FAAH2: variants seen among roughly 807,000 people sequenced by gnomAD.
FAAH2 encodes fatty acid amide hydrolase 2, also known as fatty-acid amide hydrolase 2.
Under a neutral mutation model 36.9 loss-of-function variants are expected in FAAH2, and 60 were observed. The observed-to-expected ratio is 1.63, with a 90% CI of 1.32 to 2.02. FAAH2 has a LOEUF of 2.02. Ranked by LOEUF, FAAH2 falls within the 30% of genes most tolerant of loss-of-function variation. The pLI, the probability that FAAH2 is intolerant of heterozygous loss-of-function variation, is 0.00. For missense variants in FAAH2, 689 were observed against 397.5 expected, an observed-to-expected ratio of 1.73 and a Z score of -6.23; for synonymous variants, 214 against 143.8, an observed-to-expected ratio of 1.49 and a Z score of -3.49.
chrX:57,128,349 A>G, the FAAH2 span, among the ~76,000 whole-genome samples: 1 of 111,990 alleles, frequency 8.9e-6, no homozygotes, highest in Non-Finnish European at 1.9e-5. Flanking sequence ...ATTGAATCAA[A>G]AAGAAAAATT....
chrX:57,244,059 GAT>G, the FAAH2 span, among the ~76,000 whole-genome samples: 2 of 107,759 alleles, frequency 1.9e-5, no homozygotes, highest in Non-Finnish European at 3.8e-5. Context: ...TAAATGACCT[GAT>G]GGAGCTGAAA....
chrX:57,266,566 G>A, the FAAH2 span, among the ~76,000 whole-genome samples: 1 of 112,455 alleles, frequency 8.9e-6, no homozygotes, highest in Non-Finnish European at 1.9e-5. Flanking sequence ...ACTATAAAAA[G>A]AGCAAAGACC....
chrX:57,271,292 G>A, the FAAH2 span, among the ~76,000 whole-genome samples: 5 of 112,678 alleles, frequency 4.4e-5, no homozygotes, highest in African/African-American at 1.6e-4. Flanking sequence ...TCTCCTCTCT[G>A]GACAGGGCAT....
At chrX:57,185,386 T>C in the FAAH2 span, among the ~76,000 whole-genome samples, 62 of 111,160 alleles carry the variant, frequency 5.6e-4, no homozygotes, top group Non-Finnish European at 1.1e-3. Context: ...TGACTTCCAC[T>C]TCCATCCTTG....
the FAAH2 span, among the ~76,000 whole-genome samples, chrX:57,250,265 T>G: frequency 2.4e-4 from 27 of 111,768 alleles, no homozygotes; most frequent in African/African-American, 8.8e-4. Context: ...ATATGCCAGC[T>G]CAGTTCCCTT....
chrX:57,457,463 G>C (rs1212314681), intron 10 of FAAH2, among the ~76,000 whole-genome samples: 1 of 100,420 alleles, frequency 1.0e-5, no homozygotes, highest in African/African-American at 3.9e-5. Flanking sequence ...AATGAAGAAA[G>C]GGAATAAATA....
chrX:57,393,801 C>T lies in FAAH2; in HGVS notation c.996+12772C>T, dbSNP rs1392512015. The T allele has an allele frequency of 2.5e-5, 22 of 870,608 alleles. No individual in the cohort carries two copies. The East Asian group carries it at 6.2e-4, about 25-fold the overall frequency. The allele number at this position is 870,608 out of a possible 1,213,427, so 71.7% of individuals were successfully genotyped here. On this transcript the variant is annotated intron_variant, in intron 7 of 10. Transcript: ENST00000374900. Reference sequence around the variant, plus strand: ...TGTGTGTGACTTTTCTTCGTTGGAGCCTGTCCAATCGTGATCTTCCTCAGG... The same window carrying T: ...TGTGTGTGACTTTTCTTCGTTGGAGTCTGTCCAATCGTGATCTTCCTCAGG...
chrX:57,454,322 T>C (rs1449877558), intron 10 of FAAH2, among the ~76,000 whole-genome samples: 1 of 112,320 alleles, frequency 8.9e-6, no homozygotes, highest in African/African-American at 3.2e-5. Context: ...CAGCTGACTA[T>C]CCTCAACTTA....
In FAAH2 at chrX:57,448,524, G is replaced by A. The variant is rs749269122; in HGVS notation, c.1229G>A (p.Gly410Glu). Residue 410 changes from glycine (G) to glutamate (E), a missense_variant and splice_region_variant, in exon 10 of 11, where the codon GGA becomes GAA. Physicochemically the swap from Gly to Glu is moderately conservative, Grantham distance 98. Coordinates refer to ENST00000374900, the MANE Select transcript of FAAH2 (RefSeq NM_174912.4). ...CTTGATATATGATATCATTCTGTAG[G>A]ACTGGCTTTGTTGGAAGAAAAGCTC... is the stretch of plus-strand genomic sequence containing the variant. ...GLSVYTIPSI[G>E]LALLEEKLRY... is the part of the protein sequence containing the mutation. 23 of 1,205,180 alleles carry A rather than the reference G, an allele frequency of 1.9e-5. No homozygotes were observed. In the South Asian group the frequency reaches 2.5e-4, roughly 13 times the overall value.
intron 10 of FAAH2, among the ~76,000 whole-genome samples, chrX:57,458,061 A>G (rs970780037): frequency 8.9e-6 from 1 of 112,057 alleles, no homozygotes; most frequent in African/African-American, 3.2e-5. Context: ...ATAAGGCTAC[A>G]ATAATCAAAA....
At chrX:57,304,882 G>A (rs2052476836) in intron 2 of FAAH2, among the ~76,000 whole-genome samples, 1 of 111,229 alleles carries the variant, frequency 9.0e-6, no homozygotes, top group African/African-American at 3.3e-5. Context: ...CACAATAATT[G>A]GCACATAAAA....
intron 3 of FAAH2, among the ~76,000 whole-genome samples, chrX:57,319,021 C>A (rs1472744219): frequency 9.0e-6 from 1 of 111,464 alleles, no homozygotes; most frequent in Non-Finnish European, 1.9e-5. Flanking sequence ...GAACATATCT[C>A]AAAATAATAA....
intron 2 of FAAH2, among the ~76,000 whole-genome samples, chrX:57,293,617 G>A (rs976019140): frequency 9.0e-6 from 1 of 111,572 alleles, no homozygotes; most frequent in East Asian, 2.8e-4. Flanking sequence ...GTAATTTGGG[G>A]GTACTTTTGG....
chrX:57,275,784 T>A, the FAAH2 span, among the ~76,000 whole-genome samples: 1 of 111,508 alleles, frequency 9.0e-6, no homozygotes, highest in Non-Finnish European at 1.9e-5. Context: ...TAGTCTCTGA[T>A]AAAACAGACT....
At chrX:57,317,187 G>A (rs953255897) in intron 3 of FAAH2, among the ~76,000 whole-genome samples, 1 of 111,869 alleles carries the variant, frequency 8.9e-6, no homozygotes, top group Non-Finnish European at 1.9e-5. Flanking sequence ...AAATGTAAAC[G>A]GGCTAAGTGC....
At chrX:57,426,936 T>C (rs1244103316) in intron 7 of FAAH2, among the ~76,000 whole-genome samples, 1 of 109,607 alleles carries the variant, frequency 9.1e-6, no homozygotes, top group African/African-American at 3.3e-5. Context: ...ATAAACAATA[T>C]TAAAAAGCAA....
At chrX:57,263,725 A>G in the FAAH2 span, among the ~76,000 whole-genome samples, 1 of 111,865 alleles carries the variant, frequency 8.9e-6, no homozygotes, top group African/African-American at 3.2e-5. Context: ...GTATCTGTCT[A>G]TTATACCTAA....
intron 5 of FAAH2, among the ~76,000 whole-genome samples, chrX:57,367,980 G>A (rs1727546732): frequency 8.9e-6 from 1 of 111,779 alleles, no homozygotes; most frequent in Admixed American, 9.5e-5. Context: ...TCTTGCTCAT[G>A]AGGGCAATAA....
the FAAH2 span, among the ~76,000 whole-genome samples, chrX:57,258,372 A>T: frequency 9.0e-6 from 1 of 111,520 alleles, no homozygotes; most frequent in East Asian, 2.8e-4. Context: ...AAACTCCATA[A>T]TATTGATTTG....
Sources: allele counts gnomAD v4.1 joint callset (sites outside exome capture counted in the v4.1 genomes callset), GRCh38; gene constraint gnomAD v4.1.1; transcripts MANE v1.5; gene names NCBI Gene and HGNC (gene_info 2026-07-23, HGNC 2026-07-21).